FBXL17: variants seen among roughly 807,000 people sequenced by gnomAD.
The protein encoded by FBXL17 is F-box and leucine rich repeat protein 17.
FBXL17 carries 22 observed loss-of-function variants against 66.2 expected under a neutral mutation model. The ratio of observed to expected loss-of-function variants is 0.33; its 90% confidence interval spans 0.24 to 0.47. The LOEUF (loss-of-function observed/expected upper bound fraction) is 0.47. FBXL17 is among the 20% of genes least tolerant of loss of function. The pLI, the probability that FBXL17 is intolerant of heterozygous loss-of-function variation, is 1.00. For missense variants in FBXL17, 878 were observed against 948.2 expected, an observed-to-expected ratio of 0.93 and a Z score of 0.97; for synonymous variants, 474 against 400.5, an observed-to-expected ratio of 1.18 and a Z score of -2.19.
In FBXL17 at chr5:108,253,381, T is replaced by C. The variant is rs1010916677; in HGVS notation, c.1507-29153A>G. On this transcript the variant is annotated intron_variant, in intron 4 of 8. Coordinates refer to ENST00000542267, the MANE Select transcript of FBXL17 (RefSeq NM_001163315.3). ...ACCTGCTAAATGTATTATTTTTAAA[T>C]CTTTTCTCATGTTTGTTAAAGCATG... Among the ~76,000 whole-genome samples, 8 of 152,192 alleles carry C rather than the reference T, an allele frequency of 5.3e-5. No individual in the cohort carries two copies. The East Asian group carries it at 1.3e-3, about 26-fold the overall frequency.
chr5:108,067,934 C>T (rs1357598146), intron 6 of FBXL17, among the ~76,000 whole-genome samples: 2 of 152,150 alleles, frequency 1.3e-5, no homozygotes, highest in African/African-American at 4.8e-5. Flanking sequence ...TCTAACAAAT[C>T]GTGTGGTGAG....
intron 8 of FBXL17, chr5:107,878,465 C>T (rs1748680033): frequency 3.1e-6 from 2 of 642,880 alleles, no homozygotes; most frequent in African/African-American, 4.0e-5. Context: ...TAGTATCATC[C>T]TCATTTTGCA....
At chr5:108,002,182 ATTTTTTT>A (rs765399250) in intron 7 of FBXL17, among the ~76,000 whole-genome samples, 2 of 109,496 alleles carry the variant, frequency 1.8e-5, no homozygotes, top group Admixed American at 9.4e-5. Flanking sequence ...CACCCAGCTA[ATTTTTTT>A]TTTTTTTTTT....
At chr5:107,899,040 T>C (rs1371348431) in intron 7 of FBXL17, among the ~76,000 whole-genome samples, 2 of 152,200 alleles carry the variant, frequency 1.3e-5, no homozygotes, top group Non-Finnish European at 2.9e-5. Flanking sequence ...GGAATTGCCA[T>C]ACTGACTTCC....
At chr5:108,070,971 A>G (rs17160913) in intron 6 of FBXL17, among the ~76,000 whole-genome samples, 2,235 of 152,344 alleles carry the variant, frequency 0.015, 41 homozygotes, top group African/African-American at 0.05. Context: ...GATGAAGCAG[A>G]TAAGACATTG....
intron 4 of FBXL17, among the ~76,000 whole-genome samples, chr5:108,266,436 A>T (rs1757048691): frequency 6.6e-6 from 1 of 152,102 alleles, no homozygotes; most frequent in African/African-American, 2.4e-5. Context: ...CATATCCACA[A>T]ATGTCGACAC....
intron 6 of FBXL17, among the ~76,000 whole-genome samples, chr5:108,164,484 C>T (rs1407588676): frequency 1.3e-5 from 2 of 152,100 alleles, no homozygotes; most frequent in Non-Finnish European, 1.5e-5. Flanking sequence ...CGTCTTATTT[C>T]CTCCAGTATA....
chr5:108,038,753 A>G (rs288155), intron 6 of FBXL17, among the ~76,000 whole-genome samples: 117,984 of 151,994 alleles, frequency 0.78, 46,169 homozygotes, highest in East Asian at 0.93. Flanking sequence ...TTTGAATTAG[A>G]TGTGAGTGAG....
At chr5:108,253,665 GAAGT>G (rs919943108) in intron 4 of FBXL17, among the ~76,000 whole-genome samples, 2 of 152,108 alleles carry the variant, frequency 1.3e-5, no homozygotes, top group Non-Finnish European at 2.9e-5. Context: ...AATAATTTAA[GAAGT>G]AAGTACGCAA....
At chr5:108,283,771 C>T (rs1757792012) in intron 4 of FBXL17, among the ~76,000 whole-genome samples, 1 of 151,848 alleles carries the variant, frequency 6.6e-6, no homozygotes, top group South Asian at 2.1e-4. Flanking sequence ...AAAATATTTG[C>T]AAACTATTCA....
intron 5 of FBXL17, among the ~76,000 whole-genome samples, chr5:108,190,631 A>G (rs1327409208): frequency 6.6e-6 from 1 of 152,148 alleles, no homozygotes; most frequent in Non-Finnish European, 1.5e-5. Context: ...ATTTTGCATT[A>G]GGGCTAGATA....
chr5:108,323,999 G>C (rs1406808230), intron 4 of FBXL17, among the ~76,000 whole-genome samples: 2 of 151,940 alleles, frequency 1.3e-5, no homozygotes, highest in African/African-American at 4.8e-5. Context: ...AGGAAAGGTA[G>C]GATAAAAGCT....
At chr5:108,177,653 A>G (rs1752840603) in intron 6 of FBXL17, among the ~76,000 whole-genome samples, 1 of 152,030 alleles carries the variant, frequency 6.6e-6, no homozygotes, top group Non-Finnish European at 1.5e-5. Flanking sequence ...CATGGAAGAC[A>G]GTGAGCCCTT....
chr5:108,359,325 T>C (rs1748200060), intron 3 of FBXL17, among the ~76,000 whole-genome samples: 1 of 152,144 alleles, frequency 6.6e-6, no homozygotes, highest in Admixed American at 6.5e-5. Flanking sequence ...CTGGTCTGGT[T>C]ATTATTTCCT....
intron 4 of FBXL17, chr5:108,298,286 G>A (rs1307548375): frequency 1.0e-6 from 1 of 984,678 alleles, no homozygotes; most frequent in Admixed American, 6.2e-5. Context: ...AAGACACACA[G>A]AATTTGGCTT....
At chr5:108,106,188 C>T (rs1749789963) in intron 6 of FBXL17, among the ~76,000 whole-genome samples, 1 of 152,138 alleles carries the variant, frequency 6.6e-6, no homozygotes, top group African/African-American at 2.4e-5. Context: ...GCATGTAGAA[C>T]AAGCAAGCAG....
At chr5:108,047,923 C>A (rs563513557) in intron 6 of FBXL17, among the ~76,000 whole-genome samples, 2 of 152,358 alleles carry the variant, frequency 1.3e-5, no homozygotes, top group East Asian at 1.9e-4. Flanking sequence ...GCGAAGCACA[C>A]CCCTCCACCA....
rs7731578 is a variant in FBXL17, at chr5:108,192,385, G to A, written c.1615-6138C>T. ...TTTTAACAGAAACCCAAGTCAGAAT[G>A]TAGAATGTAGGTAATCATCTTTCAG... On this transcript the variant is annotated intron_variant, in intron 5 of 8. Coordinates refer to ENST00000542267, the MANE Select transcript of FBXL17 (RefSeq NM_001163315.3). 3.2e-4 allele frequency among the ~76,000 whole-genome samples: 48 copies of A among 152,262 alleles called. 1 individual carries two copies. The highest frequency in any genetic ancestry group is 1.1e-3 in the African/African-American group (46 of 41,540).
At chr5:108,186,373 CT>C in intron 5 of FBXL17, 126 bp from the exon 6 acceptor site, 1 of 685,142 alleles carries the variant, frequency 1.5e-6, no homozygotes, top group Non-Finnish European at 2.3e-6. Context: ...AGGCTAGAAT[CT>C]TTTAATTAAA....
Sources: gnomAD v4.1 joint callset for allele counts (sites outside exome capture counted in the v4.1 genomes callset) on GRCh38, gnomAD v4.1.1 for gene constraint, MANE v1.5 for transcripts, NCBI Gene and HGNC (gene_info 2026-07-23, HGNC 2026-07-21) for gene names.